Variants in EML6 observed in about 807,000 individuals in gnomAD.
EML6 encodes the protein EMAP like 6, also known as echinoderm microtubule-associated protein-like 6.
Under a neutral mutation model 240.1 loss-of-function variants are expected in EML6, and 154 were observed. The observed-to-expected ratio is 0.64, with a 90% CI of 0.56 to 0.73. EML6 has a LOEUF of 0.73. Ranked by LOEUF, EML6 falls within the 30% of genes least tolerant of loss-of-function variation. The pLI, the probability that EML6 is intolerant of heterozygous loss-of-function variation, is 0.00. For missense variants in EML6, 2,964 were observed against 2,474.6 expected (o/e 1.20, Z -4.20); for synonymous variants, 1,148 against 899.0 (o/e 1.28, Z -4.95).
intron 26 of EML6, among the ~76,000 whole-genome samples, chr2:54,920,035 A>G (rs954269987): frequency 7.2e-5 from 11 of 152,232 alleles, no homozygotes; most frequent in African/African-American, 2.4e-4. Flanking sequence ...CCCACAACCT[A>G]AATTCTGTAA....
chr2:54,924,117 C>T (rs575691445), intron 26 of EML6, among the ~76,000 whole-genome samples: 37 of 152,246 alleles, frequency 2.4e-4, no homozygotes, highest in Middle Eastern at 6.8e-3. Flanking sequence ...CTTTCTTTCT[C>T]TTAGGTAAAT....
chr2:54,866,986 T>C, intron 14 of EML6, 102 bp downstream of exon 14: 1 of 635,828 alleles, frequency 1.6e-6, no homozygotes, highest in Non-Finnish European at 2.8e-6. Context: ...CTCAGTGTCG[T>C]CCTCCTCCTG....
chr2:54,791,529 G>T (rs745423017), intron 2 of EML6, among the ~76,000 whole-genome samples: 1 of 152,314 alleles, frequency 6.6e-6, no homozygotes, highest in South Asian at 2.1e-4. Context: ...TGATCAGTTT[G>T]TCCCCACTTC....
intron 3 of EML6, among the ~76,000 whole-genome samples, chr2:54,814,457 G>A (rs964648927): frequency 1.3e-5 from 2 of 152,272 alleles, no homozygotes; most frequent in Admixed American, 6.5e-5. Context: ...TCCTGGCTCC[G>A]GCTGCATTCA....
At chr2:54,950,938 T>G (rs780976055) in intron 30 of EML6, among the ~76,000 whole-genome samples, 159 bp downstream of exon 30, 1 of 152,180 alleles carries the variant, frequency 6.6e-6, no homozygotes, top group Non-Finnish European at 1.5e-5. Flanking sequence ...ACGCTCAGGT[T>G]CAGTTACCAG....
chr2:54,882,873 A>AAAAAAAAAAAAAAAAAAAAAAAC (rs796515025), intron 17 of EML6: 1 of 112,358 alleles, frequency 8.9e-6, no homozygotes, highest in Non-Finnish European at 1.9e-5. Context: ...AAAAAAAAAA[A>AAAAAAAAAAAAAAAAAAAAAAAC]AGAAAGCTTA....
At chr2:54,950,471 A>T (rs1675917906) in intron 29 of EML6, among the ~76,000 whole-genome samples, 179 bp from the exon 30 acceptor site, 2 of 152,242 alleles carry the variant, frequency 1.3e-5, no homozygotes, top group South Asian at 4.1e-4. Context: ...AAAACTAAAG[A>T]AGGGGCTGCA....
intron 26 of EML6, among the ~76,000 whole-genome samples, chr2:54,922,887 C>T (rs1447130489): frequency 6.7e-6 from 1 of 148,500 alleles, no homozygotes; most frequent in East Asian, 2.0e-4. Context: ...TGGCCAAGGA[C>T]TGGAGAGTGG....
chr2:54,859,792 T>G, intron 12 of EML6, 91 bp downstream of exon 12: 1 of 1,160,758 alleles, frequency 8.6e-7, no homozygotes, highest in African/African-American at 1.6e-5. Context: ...GTAAAGGATT[T>G]AAGCAATTTT....
intron 7 of EML6, among the ~76,000 whole-genome samples, chr2:54,833,969 C>A (rs1030041231): frequency 7.9e-5 from 12 of 152,156 alleles, no homozygotes; most frequent in African/African-American, 2.9e-4. Context: ...TTTCAAGATG[C>A]TGCCTCAGTT....
At chr2:54,779,135 C>A (rs536696982) in intron 2 of EML6, among the ~76,000 whole-genome samples, 1 of 152,224 alleles carries the variant, frequency 6.6e-6, no homozygotes, top group Admixed American at 6.5e-5. Flanking sequence ...ATTTTGGTGA[C>A]AGTCTCATGA....
rs968741318 is a variant in EML6, at chr2:54,899,651, AAGG to A, written c.2996_2998del (p.Gly999del). 1.8e-5 allele frequency: 28 copies of A among 1,553,444 alleles called. No individual in the cohort carries two copies. In the Admixed American group the frequency reaches 2.2e-4, roughly 12 times the overall value. On this transcript the variant is annotated inframe_deletion, in exon 22 of 42. Transcript: ENST00000356458. ...TTTCCTCTCCCACAGGGGCACATGG[AAGG>A]AGAAGTGTGGGGGTTGGCAGCTCAC... is the stretch of plus-strand genomic sequence containing the variant.
At chr2:54,854,207 A>G (rs1375692629) in intron 11 of EML6, among the ~76,000 whole-genome samples, 2 of 152,240 alleles carry the variant, frequency 1.3e-5, no homozygotes, top group Admixed American at 6.5e-5. Flanking sequence ...ATTCAGAGCT[A>G]TTGTGCTTAT....
At chr2:54,772,195 A>G (rs188117637) in intron 2 of EML6, among the ~76,000 whole-genome samples, 2 of 152,346 alleles carry the variant, frequency 1.3e-5, no homozygotes, top group African/African-American at 4.8e-5. Context: ...GGCAGTTTGG[A>G]TAAGGAAGGT....
At chr2:54,836,416 A>C (rs1669144858) in intron 7 of EML6, among the ~76,000 whole-genome samples, 1 of 152,160 alleles carries the variant, frequency 6.6e-6, no homozygotes, top group East Asian at 1.9e-4. Context: ...TTTTGAAATG[A>C]GCAGAGATTT....
chr2:54,968,074 A>G lies in EML6; in HGVS notation c.5598-54A>G, dbSNP rs1466095408. 25 of 1,521,338 alleles carry G rather than the reference A, an allele frequency of 1.6e-5. No individual in the cohort carries two copies. The South Asian group carries it at 2.8e-4, about 17-fold the overall frequency. 94.2% of individuals were successfully genotyped at this position (1,521,338 alleles called of 1,614,324 possible). A position where few individuals can be genotyped will look rare whatever the true frequency, so the allele number is the denominator to read the frequency against. On this transcript the variant is annotated intron_variant, in intron 39 of 41. Coordinates refer to ENST00000356458, the MANE Select transcript of EML6 (RefSeq NM_001039753.4). ...CCCTGGGAGGTGATGACTGACTGCA[A>G]GGAGCCTTCGCCGTGACTTCCTTCT... is the stretch of plus-strand genomic sequence containing the variant.
intron 2 of EML6, 64 bp from the exon 3 acceptor site, chr2:54,813,168 G>T: frequency 8.6e-7 from 1 of 1,168,052 alleles, no homozygotes; most frequent in East Asian, 2.6e-5. Context: ...AAACAGATTT[G>T]GATAAAAGGT....
chr2:54,961,697 G>C (rs1191875759), intron 35 of EML6, among the ~76,000 whole-genome samples: 1 of 151,258 alleles, frequency 6.6e-6, no homozygotes, highest in Admixed American at 6.6e-5. Context: ...AGAATGGACA[G>C]TTTGTTGTTA....
rs1029690320 is a variant in EML6 at position 54,928,371 on chromosome 2, G to C, written c.3734G>C (p.Arg1245Thr). The C allele has an allele frequency of 1.1e-4, 171 of 1,552,120 alleles. 1 individual carries two copies. In the East Asian group the frequency reaches 4.1e-3, roughly 37 times the overall value. Residue 1245 changes from arginine to threonine, a missense_variant, in exon 27 of 42, where the codon AGG (arginine) becomes ACG (threonine). Arg to Thr is a moderately conservative substitution (Grantham distance 71). Transcript: ENST00000356458. Reference sequence around the variant, plus strand: ...CACAGTGCACATGTCACTAACGTGAGGTGGCTGCACAATGACTCTGTGCTG... The same window carrying C: ...CACAGTGCACATGTCACTAACGTGACGTGGCTGCACAATGACTCTGTGCTG... The part of the protein sequence containing the change: ...VGHSAHVTNV[R>T]WLHNDSVLLT...
Sources: allele counts gnomAD v4.1 joint callset (sites outside exome capture counted in the v4.1 genomes callset), GRCh38; gene constraint gnomAD v4.1.1; transcripts MANE v1.5; gene names NCBI Gene and HGNC (gene_info 2026-07-23, HGNC 2026-07-21).